Variants in TNRC6B observed in about 807,000 individuals in gnomAD.
TNRC6B encodes the protein trinucleotide repeat containing adaptor 6B.
TNRC6B carries 52 observed loss-of-function variants against 203.6 expected under a neutral mutation model. The ratio of observed to expected loss-of-function variants is 0.26; its 90% confidence interval spans 0.20 to 0.32. TNRC6B has a LOEUF of 0.32. Ranked by LOEUF, TNRC6B falls within the 10% of genes least tolerant of loss-of-function variation. TNRC6B has a pLI of 1.00. For missense variants in TNRC6B, 1,923 were observed against 2,286.2 expected (o/e 0.84, Z 3.24); for synonymous variants, 838 against 845.7 (o/e 0.99, Z 0.16).
intron 1 of TNRC6B, among the ~76,000 whole-genome samples, chr22:40,087,155 A>G (rs1426629185): frequency 6.6e-6 from 1 of 151,022 alleles, no homozygotes; most frequent in Non-Finnish European, 1.5e-5. Context: ...GGATATTTTT[A>G]TCATAAAAAC....
intron 2 of TNRC6B, among the ~76,000 whole-genome samples, chr22:40,119,004 T>A (rs1201565623): frequency 6.6e-6 from 1 of 152,300 alleles, no homozygotes; most frequent in East Asian, 1.9e-4. Context: ...TGTAAGATGT[T>A]CATTACGGCT....
At chr22:40,279,102 T>A (rs1296535210) in intron 9 of TNRC6B, among the ~76,000 whole-genome samples, 1 of 152,156 alleles carries the variant, frequency 6.6e-6, no homozygotes, top group Non-Finnish European at 1.5e-5. Context: ...GCCAAACAAA[T>A]TGTGTGCCAG....
At chr22:40,125,971 TA>T (rs2068489396) in intron 3 of TNRC6B, 1 of 1,087,274 alleles carries the variant, frequency 9.2e-7, no homozygotes, top group African/African-American at 1.6e-5. Context: ...TCGATTGAGT[TA>T]AATTAGAACC....
intron 1 of TNRC6B, among the ~76,000 whole-genome samples, chr22:40,092,480 T>G (rs1007660050): frequency 6.6e-6 from 1 of 150,762 alleles, no homozygotes; most frequent in African/African-American, 2.5e-5. Context: ...ATATTTAATA[T>G]TTTAAGGAAA....
intron 3 of TNRC6B, among the ~76,000 whole-genome samples, chr22:40,144,114 TGGAA>T (rs1407965870): frequency 6.6e-6 from 1 of 152,204 alleles, no homozygotes; most frequent in African/African-American, 2.4e-5. Context: ...TAGACATTGT[TGGAA>T]GGAGTGTAAA....
chr22:40,281,034 A>C, intron 10 of TNRC6B, 85 bp from the exon 11 acceptor site: 1 of 1,141,394 alleles, frequency 8.8e-7, no homozygotes. Flanking sequence ...GTTTATTGCT[A>C]GTGTTTCTCT....
intron 4 of TNRC6B, among the ~76,000 whole-genome samples, chr22:40,160,276 A>C (rs2068860238): frequency 6.6e-6 from 1 of 152,116 alleles, no homozygotes; most frequent in African/African-American, 2.4e-5. Flanking sequence ...CGGGAGTTCA[A>C]AACCAGCCTG....
At chr22:40,182,978 T>G (rs182591129) in intron 1 of TNRC6B, among the ~76,000 whole-genome samples, 11 of 152,204 alleles carry the variant, frequency 7.2e-5, no homozygotes, top group Non-Finnish European at 1.6e-4. Context: ...TCTGAAATTA[T>G]TTGTGTATGG....
At chr22:40,105,030 GTC>G (rs2146308093) in intron 1 of TNRC6B, among the ~76,000 whole-genome samples, 1 of 152,310 alleles carries the variant, frequency 6.6e-6, no homozygotes, top group African/African-American at 2.4e-5. Context: ...ATTGGGATAT[GTC>G]TACATGGTTT....
At chr22:40,263,974 C>T (rs906758046) in intron 4 of TNRC6B, among the ~76,000 whole-genome samples, 1 of 152,186 alleles carries the variant, frequency 6.6e-6, no homozygotes, top group African/African-American at 2.4e-5. Context: ...AGCAAAATGG[C>T]TCTAGACAGG....
chr22:40,082,759 A>C (rs971081206), intron 1 of TNRC6B, among the ~76,000 whole-genome samples: 3 of 152,174 alleles, frequency 2.0e-5, no homozygotes, highest in Non-Finnish European at 2.9e-5. Context: ...TTGGAGGCAG[A>C]CTCTGTGGGA....
intron 22 of TNRC6B, chr22:40,321,471 A>G: frequency 2.1e-6 from 1 of 467,076 alleles, no homozygotes; most frequent in Non-Finnish European, 3.9e-6. Context: ...ATAATTTGTG[A>G]AGTAGTGAGT....
chr22:40,312,252 A>G (rs1382666112), intron 17 of TNRC6B, among the ~76,000 whole-genome samples: 1 of 152,216 alleles, frequency 6.6e-6, no homozygotes, highest in Admixed American at 6.5e-5. Flanking sequence ...CAGGAGGATC[A>G]GGTTACTGGG....
rs556539667 is a variant in TNRC6B, at chr22:40,211,183, G to A, written c.5+33043G>A. 2.2e-4 allele frequency among the ~76,000 whole-genome samples: 33 copies of A among 152,068 alleles called. No homozygotes were observed. In the South Asian group the frequency reaches 6.8e-3, roughly 32 times the overall value. Reference sequence around the variant, plus strand: ...GCTGGAGTGTAGTGGCATGCTCCTGGCTCACTGCAGCCTCAGCCTCCTACG... The same window carrying A: ...GCTGGAGTGTAGTGGCATGCTCCTGACTCACTGCAGCCTCAGCCTCCTACG... On this transcript the variant is annotated intron_variant, in intron 1 of 22. Transcript: ENST00000454349.
At chr22:40,079,312 C>G (rs2068046513) in intron 1 of TNRC6B, among the ~76,000 whole-genome samples, 1 of 152,094 alleles carries the variant, frequency 6.6e-6, no homozygotes, top group South Asian at 2.1e-4. Context: ...TGTTACAGAG[C>G]TCTCCAGGTA....
chr22:40,099,240 T>C (rs1182320444), intron 1 of TNRC6B, among the ~76,000 whole-genome samples: 3 of 145,632 alleles, frequency 2.1e-5, no homozygotes, highest in Non-Finnish European at 4.5e-5. Flanking sequence ...GGCGATAGTG[T>C]GAGACTCTGT....
intron 1 of TNRC6B, among the ~76,000 whole-genome samples, chr22:40,217,665 A>G (rs2069653056): frequency 6.6e-6 from 1 of 152,150 alleles, no homozygotes; most frequent in Non-Finnish European, 1.5e-5. Flanking sequence ...TAGTTTCAAA[A>G]CAGTTTGAAC....
At chr22:40,242,179 A>AGTGTGTGTGTGTGT (rs58498001) in intron 1 of TNRC6B, among the ~76,000 whole-genome samples, 4 of 149,554 alleles carry the variant, frequency 2.7e-5, no homozygotes, top group African/African-American at 7.4e-5. Flanking sequence ...AGGGAATAAG[A>AGTGTGTGTGTGTGT]GTGTGTGTGT....
Position 40,265,880 on chromosome 22 carries a change from A to G in TNRC6B, c.1650A>G (p.Gln550=). 6.2e-7 allele frequency: 1 copy of G among 1,614,064 alleles called. No homozygotes were observed. The highest frequency in any genetic ancestry group is 8.5e-7 in the Non-Finnish European group (1 of 1,179,906). Residue 550 remains glutamine, a synonymous_variant, in exon 5 of 23, where the codon CAA becomes CAG. Transcript: ENST00000454349. ...AGGGCCACCCCCTCCCTGAAAACCA[A>G]GGCAATGCCCAGGCTCCCTGTTGGG... ...NQKGHPLPEN[Q]GNAQAPCWGR...
Sources: gnomAD v4.1 joint callset for allele counts (sites outside exome capture counted in the v4.1 genomes callset) on GRCh38, gnomAD v4.1.1 for gene constraint, MANE v1.5 for transcripts, NCBI Gene and HGNC (gene_info 2026-07-23, HGNC 2026-07-21) for gene names.